MCPH1: variants seen among roughly 807,000 people sequenced by gnomAD.
MCPH1 encodes microcephalin 1.
MCPH1 carries 104 observed loss-of-function variants against 84.5 expected under a neutral mutation model. That is an observed-to-expected ratio of 1.23 (90% CI 1.05 to 1.45). The LOEUF (loss-of-function observed/expected upper bound fraction) is 1.45, where lower values mean the gene tolerates loss of function less well. Ranked by LOEUF, MCPH1 falls within the 40% of genes most tolerant of loss-of-function variation. The pLI, the probability that MCPH1 is intolerant of heterozygous loss-of-function variation, is 0.00. For missense variants in MCPH1, 1,498 were observed against 1,005.7 expected (o/e 1.49, Z -6.62); for synonymous variants, 514 against 366.8 (o/e 1.40, Z -4.58).
intron 3 of MCPH1, among the ~76,000 whole-genome samples, chr8:6,429,497 C>T (rs910703740): frequency 1.3e-5 from 2 of 152,038 alleles, no homozygotes; most frequent in East Asian, 1.9e-4. Flanking sequence ...ATGGACTCCT[C>T]CCCCGCCCCA....
At chr8:6,427,911 G>C (rs1422545290) in intron 3 of MCPH1, among the ~76,000 whole-genome samples, 1 of 151,432 alleles carries the variant, frequency 6.6e-6, no homozygotes, top group African/African-American at 2.4e-5. Context: ...TCCTGACTCA[G>C]CCTCCTGAGT....
chr8:6,520,289 ATAAAT>A (rs1817064355), intron 12 of MCPH1, among the ~76,000 whole-genome samples: 1 of 152,224 alleles, frequency 6.6e-6, no homozygotes, highest in African/African-American at 2.4e-5. Flanking sequence ...TCACAATCAC[ATAAAT>A]TAAATTATTA....
Position 6,643,476 on chromosome 8 carries a change from G to T in MCPH1, c.*427G>T. 1 of 231,246 alleles carries T rather than the reference G, an allele frequency of 4.3e-6. No homozygotes were observed. Among genetic ancestry groups the T allele is most frequent in the Non-Finnish European group, 8.6e-6 (1 of 115,944 alleles). The allele number at this position is 231,246 out of a possible 1,614,324, so 14.3% of individuals were successfully genotyped here. ...GACAGGGTTTCGCCATGTTGGCCAG[G>T]CTGGTCTCAAACGCCTGAGCTCAGG... is the stretch of plus-strand genomic sequence containing the variant. On this transcript the variant is annotated 3_prime_UTR_variant, in exon 14 of 14. Transcript: ENST00000344683.
intron 3 of MCPH1, among the ~76,000 whole-genome samples, chr8:6,417,021 T>C (rs1322931108): frequency 7.9e-5 from 12 of 152,064 alleles, no homozygotes; most frequent in Admixed American, 7.9e-4. Flanking sequence ...TTCTCTGGCT[T>C]TTGTCAAGAT....
At chr8:6,598,563 G>C (rs1008363143) in intron 12 of MCPH1, among the ~76,000 whole-genome samples, 2 of 152,178 alleles carry the variant, frequency 1.3e-5, no homozygotes, top group African/African-American at 2.4e-5. Flanking sequence ...AGCTCTCCTC[G>C]GGGCAAAGCA....
At chr8:6,546,315 G>C (rs1822566856) in intron 12 of MCPH1, among the ~76,000 whole-genome samples, 1 of 152,222 alleles carries the variant, frequency 6.6e-6, no homozygotes, top group Non-Finnish European at 1.5e-5. Flanking sequence ...ATAGCTCAAA[G>C]CAGTTCACCG....
At chr8:6,426,185 T>A (rs1360022066) in intron 3 of MCPH1, among the ~76,000 whole-genome samples, 4 of 152,228 alleles carry the variant, frequency 2.6e-5, no homozygotes, top group East Asian at 1.9e-4. Flanking sequence ...TTTGTTTTTT[T>A]AAAATCAGCT....
At position 6,445,459 on chromosome 8, in the gene MCPH1, GA is replaced by G; in HGVS notation, c.1738del (p.Ser580ValfsTer8). 6.2e-7 allele frequency: 1 copy of G among 1,614,220 alleles called. No homozygotes were observed. The highest frequency in any genetic ancestry group is 8.5e-7 in the Non-Finnish European group (1 of 1,180,050). ...CAAACTCCTCTGAAGGCGAAGCCCA[GA>G]GTGAACATGAGCCATGTTTTATAGT... ...ISNSSEGEAQ[S>X]EHEPCFIVDC... On this transcript the variant is annotated frameshift_variant, in exon 8 of 14. Transcript: ENST00000344683. LOFTEE classifies it high-confidence loss of function.
In MCPH1 at chr8:6,576,506, C is replaced by CCTTCCCCTTCCCCTT. The variant is rs1554462061; in HGVS notation, c.2215-44935_2215-44934insTTCTTCCCCTTCCCC. The stretch of plus-strand genomic sequence containing the variant: ...CCGTTTCCTTTTCCCTTTCCCTTCC[C>CCTTCCCCTTCCCCTT]CTTCCCCTTCCCCGTCCCTTTAGAT... On this transcript the variant is annotated intron_variant, in intron 12 of 13. Transcript: ENST00000344683. Among the ~76,000 whole-genome samples, 324 of 150,174 alleles carry CCTTCCCCTTCCCCTT rather than the reference C, an allele frequency of 2.2e-3. 1 individual carries two copies. Among genetic ancestry groups the CCTTCCCCTTCCCCTT allele is most frequent in the African/African-American group, 7.4e-3 (303 of 40,748 alleles).
chr8:6,571,845 A>C (rs573348004), intron 12 of MCPH1, among the ~76,000 whole-genome samples: 1 of 152,312 alleles, frequency 6.6e-6, no homozygotes, highest in African/African-American at 2.4e-5. Flanking sequence ...GAATTATAAT[A>C]AATAGTTACA....
chr8:6,450,360 T>G lies in MCPH1; in HGVS notation c.1826-4783T>G, dbSNP rs79336590. Among the ~76,000 whole-genome samples, 1,017 of 151,950 alleles carry G rather than the reference T, an allele frequency of 6.7e-3. 12 individuals carry two copies. Among genetic ancestry groups the G allele is most frequent in the African/African-American group, 0.023 (972 of 41,390 alleles). ...CAGTGTCCATACTTTATCTGAAAGG[T>G]TTGCTGGAGGCAGACAACATTCTAT... On this transcript the variant is annotated intron_variant, in intron 8 of 13. Coordinates refer to ENST00000344683, the MANE Select transcript of MCPH1 (RefSeq NM_024596.5).
intron 12 of MCPH1, among the ~76,000 whole-genome samples, chr8:6,504,909 G>A (rs1297781445): frequency 6.6e-6 from 1 of 151,982 alleles, no homozygotes; most frequent in Non-Finnish European, 1.5e-5. Flanking sequence ...AAGGATAAGG[G>A]AGGACTGCTG....
chr8:6,440,618 A>G lies in MCPH1; in HGVS notation c.581-1449A>G, dbSNP rs117234535. Among the ~76,000 whole-genome samples, 858 of 152,324 alleles carry G rather than the reference A, an allele frequency of 5.6e-3. 2 individuals are homozygous for G. The highest frequency in any genetic ancestry group is 0.011 in the South Asian group (54 of 4,822). On this transcript the variant is annotated intron_variant, in intron 6 of 13. Transcript: ENST00000344683. ...AGAATGCCCCTTTCTCCATACTTGG[A>G]AAACTGAATGGCATTAGCCTGTAGC...
chr8:6,559,299 G>A (rs1825153375), intron 12 of MCPH1, among the ~76,000 whole-genome samples: 1 of 151,790 alleles, frequency 6.6e-6, no homozygotes, highest in Non-Finnish European at 1.5e-5. Flanking sequence ...TAGCGGGCTG[G>A]GTTCCCCTGG....
intron 13 of MCPH1, chr8:6,625,350 C>T (rs1168709855): frequency 2.9e-5 from 29 of 985,344 alleles, no homozygotes; most frequent in Non-Finnish European, 3.4e-5. Flanking sequence ...GATGTGTCCT[C>T]ATCATCCCTG....
At chr8:6,617,849 C>T (rs781707731) in intron 12 of MCPH1, among the ~76,000 whole-genome samples, 2 of 151,754 alleles carry the variant, frequency 1.3e-5, no homozygotes, top group Non-Finnish European at 2.9e-5. Context: ...GCTTGCTTAT[C>T]TATGTCTGTC....
chr8:6,468,975 G>C (rs1323526071), intron 9 of MCPH1, among the ~76,000 whole-genome samples: 1 of 152,132 alleles, frequency 6.6e-6, no homozygotes, highest in Non-Finnish European at 1.5e-5. Context: ...GATCGCTTGA[G>C]GCCAGGAGTT....
chr8:6,635,649 C>G (rs186080421), intron 13 of MCPH1, among the ~76,000 whole-genome samples: 13 of 152,300 alleles, frequency 8.5e-5, no homozygotes, highest in African/African-American at 2.9e-4. Flanking sequence ...TTTGTGTACA[C>G]TGAACCAACA....
chr8:6,611,262 C>T (rs1450678910), intron 12 of MCPH1, among the ~76,000 whole-genome samples: 2 of 152,182 alleles, frequency 1.3e-5, no homozygotes, highest in African/African-American at 4.8e-5. Context: ...CACCGCCTGC[C>T]TGGAGTTAGC....
Sources: gnomAD v4.1 joint callset for allele counts (sites outside exome capture counted in the v4.1 genomes callset) on GRCh38, gnomAD v4.1.1 for gene constraint, MANE v1.5 for transcripts, NCBI Gene and HGNC (gene_info 2026-07-23, HGNC 2026-07-21) for gene names.